Variants in KLHL7 observed in about 807,000 individuals in gnomAD.
The protein encoded by KLHL7 is kelch-like protein 7.
In KLHL7, 44 loss-of-function variants were observed where a neutral mutation model predicts 67.4. The observed-to-expected ratio is 0.65, with a 90% CI of 0.51 to 0.84. The LOEUF (loss-of-function observed/expected upper bound fraction) is 0.84. Ranked by LOEUF, KLHL7 falls within the 40% of genes least tolerant of loss-of-function variation. The pLI is 0.00. For synonymous variants in KLHL7, 252 were observed against 243.3 expected (o/e 1.04, Z -0.33); for missense variants, 362 against 718.1 (o/e 0.50, Z 5.67).
Position 23,167,857 on chromosome 7 carries a change from T to C in KLHL7, c.1199T>C (p.Phe400Ser). ...ACAGGAAACTCAGCTCTGTATTTAT[T>C]TGAGTGCTATGATACGAGAACTGAA... Reference protein sequence around the residue: ...SEVGNSALYLFECYDTRTESW... With the variant: ...SEVGNSALYLSECYDTRTESW... The change falls in exon 9 of 11, where the codon TTT (phenylalanine) becomes TCT (serine). Residue 400 changes from phenylalanine (F) to serine (S), a missense_variant. This residue lies in a region of KLHL7 where 136 missense variants were observed against 252.7 expected (regional missense o/e 0.54). Transcript: ENST00000339077. The C allele has an allele frequency of 6.2e-7, 1 of 1,614,218 alleles. No homozygotes were observed. Among genetic ancestry groups the C allele is most frequent in the South Asian group, 1.1e-5 (1 of 91,084 alleles).
At chr7:23,170,208 C>A (rs1785117326) in intron 9 of KLHL7, among the ~76,000 whole-genome samples, 1 of 152,190 alleles carries the variant, frequency 6.6e-6, no homozygotes, top group Non-Finnish European at 1.5e-5. Context: ...GAGCGAAACT[C>A]TGTCTCAAAA....
rs1213638232 is a variant in KLHL7 at position 23,105,918 on chromosome 7, G to C, written c.-109G>C. 1 of 1,496,826 alleles carries C rather than the reference G, an allele frequency of 6.7e-7. No individual in the cohort carries two copies. Among genetic ancestry groups the C allele is most frequent in the African/African-American group, 1.4e-5 (1 of 72,938 alleles). 92.7% of individuals were successfully genotyped at this position (1,496,826 alleles called of 1,614,324 possible). ...GCGCGTTCCAGAGCTGGGCGCTGCA[G>C]CTGCACTGCCGATCGCCGTGTTTGG... is the stretch of plus-strand genomic sequence containing the variant. On this transcript the variant is annotated 5_prime_UTR_variant, in exon 1 of 11. Coordinates refer to ENST00000339077, the MANE Select transcript of KLHL7 (RefSeq NM_001031710.3).
At position 23,105,791 on chromosome 7, in the gene KLHL7, T is replaced by C. The variant is rs912230118; in HGVS notation, c.-236T>C. 12 of 562,378 alleles carry C rather than the reference T, an allele frequency of 2.1e-5. No homozygotes were observed. The highest frequency in any genetic ancestry group is 4.8e-4 in the Middle Eastern group (1 of 2,066). The allele number at this position is 562,378 out of a possible 1,614,324, so 34.8% of individuals were successfully genotyped here. A position where few individuals can be genotyped will look rare whatever the true frequency, so the allele number is the denominator to read the frequency against. ...AGGCTCCTGGGCAGGGCTCGGGTTC[T>C]GCCCGGGGACGCAGCCCAGTTGGTA... On this transcript the variant is annotated 5_prime_UTR_variant, in exon 1 of 11. Coordinates refer to ENST00000339077, the MANE Select transcript of KLHL7 (RefSeq NM_001031710.3).
intron 4 of KLHL7, among the ~76,000 whole-genome samples, chr7:23,139,006 A>G (rs1054970076): frequency 3.3e-5 from 5 of 152,060 alleles, no homozygotes; most frequent in Non-Finnish European, 4.4e-5. Context: ...ACATTGGATG[A>G]AGAAAGTGTG....
At chr7:23,126,850 A>G (rs1460202523) in intron 4 of KLHL7, among the ~76,000 whole-genome samples, 2 of 152,226 alleles carry the variant, frequency 1.3e-5, no homozygotes, top group African/African-American at 4.8e-5. Flanking sequence ...ATAGCTATGC[A>G]GGTGAATATA....
intron 1 of KLHL7, among the ~76,000 whole-genome samples, chr7:23,120,685 A>G (rs1446750592): frequency 2.0e-5 from 3 of 151,562 alleles, no homozygotes; most frequent in Admixed American, 6.6e-5. Context: ...TCCCATTTCA[A>G]CCTCCCAAGT....
At position 23,156,952 on chromosome 7, in the gene KLHL7, C is replaced by T. The variant is rs543833977; in HGVS notation, c.936+4743C>T. Among the ~76,000 whole-genome samples the T allele has an allele frequency of 3.2e-3, 491 of 152,174 alleles. 4 individuals are homozygous for T. The highest frequency in any genetic ancestry group is 5.2e-3 in the Non-Finnish European group (352 of 67,994). The stretch of plus-strand genomic sequence containing the variant: ...GAAGAGAAAAAGAAGTTATCTTTAA[C>T]TTGGGACACATTTTCCTGTCAGAAA... On this transcript the variant is annotated intron_variant, in intron 7 of 10. Transcript: ENST00000339077.
intron 4 of KLHL7, chr7:23,129,502 T>G (rs555915176): frequency 1.1e-4 from 31 of 272,660 alleles, no homozygotes; most frequent in African/African-American, 6.9e-4. Context: ...GACACAATGA[T>G]TAACTTGTAT....
At chr7:23,107,608 T>G (rs758338038) in intron 1 of KLHL7, among the ~76,000 whole-genome samples, 16 of 152,214 alleles carry the variant, frequency 1.1e-4, no homozygotes, top group Admixed American at 3.9e-4. Context: ...AAAAAGTGAC[T>G]CACATTTCTT....
Position 23,113,014 on chromosome 7 carries a change from CAG to C in KLHL7, c.120+6869_120+6870del, listed in dbSNP as rs1562549377. Among the ~76,000 whole-genome samples the C allele has an allele frequency of 3.3e-5, 5 of 151,934 alleles. 1 individual carries two copies. The highest frequency in any genetic ancestry group is 1.2e-4 in the African/African-American group (5 of 41,390). ...CAAAGCAAATGTGATTAATCTCAGA[CAG>C]GGGTGGCGGGGCAGTTCCTCTTCCA... On this transcript the variant is annotated intron_variant, in intron 1 of 10. Coordinates refer to ENST00000339077, the MANE Select transcript of KLHL7 (RefSeq NM_001031710.3).
chr7:23,117,438 C>G (rs545342873), intron 1 of KLHL7, among the ~76,000 whole-genome samples: 7 of 152,088 alleles, frequency 4.6e-5, no homozygotes, highest in African/African-American at 1.7e-4. Flanking sequence ...GTCCATAACA[C>G]CTTCCTTGAA....
intron 1 of KLHL7, among the ~76,000 whole-genome samples, chr7:23,121,324 A>G (rs189460834): frequency 3.6e-4 from 55 of 152,016 alleles, no homozygotes; most frequent in African/African-American, 1.3e-3. Context: ...CTTTGTTATA[A>G]TGATATCACT....
At chr7:23,152,502 T>TTTC (rs35687837) in intron 7 of KLHL7, among the ~76,000 whole-genome samples, 66,224 of 151,864 alleles carry the variant, frequency 0.44, 16,268 homozygotes, top group African/African-American at 0.68. Context: ...TTCATTACAG[T>TTTC]TTCTTCCTTA....
Position 23,106,006 on chromosome 7 carries a change from C to T in KLHL7, c.-21C>T. On this transcript the variant is annotated 5_prime_UTR_variant, in exon 1 of 11. Coordinates refer to ENST00000339077, the MANE Select transcript of KLHL7 (RefSeq NM_001031710.3). ...CTCGCCCGGCCCGGCGAGCCCCGGG[C>T]GTGAACCGAGCTGAGGGAGGATGGC... The T allele has an allele frequency of 6.2e-7, 1 of 1,607,462 alleles. No homozygotes were observed. The highest frequency in any genetic ancestry group is 1.1e-5 in the South Asian group (1 of 89,724).
In KLHL7 at chr7:23,177,631, A is replaced by G. The variant is rs1311444106; in HGVS notation, c.*3333A>G. On this transcript the variant is annotated 3_prime_UTR_variant, in exon 11 of 11. Transcript: ENST00000339077. ...AAGTGCTCTGCTTGCTTTTTAGTAG[A>G]CATTTGATAAGTTAATGTTATATCC... 6.6e-6 allele frequency: 1 copy of G among 152,192 alleles called. No individual in the cohort carries two copies. The highest frequency in any genetic ancestry group is 6.5e-5 in the Admixed American group (1 of 15,280). 9.4% of individuals were successfully genotyped at this position (152,192 alleles called of 1,614,324 possible).
intron 6 of KLHL7, among the ~76,000 whole-genome samples, chr7:23,145,971 A>G (rs963781757): frequency 1.3e-5 from 2 of 152,120 alleles, no homozygotes; most frequent in East Asian, 3.9e-4. Flanking sequence ...GGCTCAAGCA[A>G]CCCTCCTGCC....
At chr7:23,133,774 T>C (rs1415443821) in intron 4 of KLHL7, among the ~76,000 whole-genome samples, 1 of 152,214 alleles carries the variant, frequency 6.6e-6, no homozygotes, top group Non-Finnish European at 1.5e-5. Context: ...TGGTGTATAG[T>C]AATGCTACTA....
intron 4 of KLHL7, chr7:23,129,614 A>G (rs1783720536): frequency 1.1e-5 from 2 of 187,268 alleles, no homozygotes; most frequent in Non-Finnish European, 2.2e-5. Context: ...AACTGTGGGT[A>G]TTGCTGATCT....
intron 1 of KLHL7, among the ~76,000 whole-genome samples, chr7:23,109,089 C>A (rs999697761): frequency 4.6e-5 from 7 of 152,202 alleles, no homozygotes; most frequent in Non-Finnish European, 8.8e-5. Context: ...AGCTATACCA[C>A]CTTCAGCTTT....
Sources: allele counts gnomAD v4.1 joint callset (sites outside exome capture counted in the v4.1 genomes callset), GRCh38; gene constraint gnomAD v4.1.1; regional missense constraint gnomAD v4.1.1; transcripts MANE v1.5; gene names NCBI Gene and HGNC (gene_info 2026-07-23, HGNC 2026-07-21).